The following TRIM65 variants were observed in gnomAD, a reference collection of about 807,000 sequenced individuals.
TRIM65 encodes the protein E3 ubiquitin-protein ligase TRIM65.
TRIM65 carries 46 observed loss-of-function variants against 36.1 expected under a neutral mutation model. The ratio of observed to expected loss-of-function variants is 1.27; its 90% CI spans 1.01 to 1.63. The LOEUF is 1.63. TRIM65 is among the 40% of genes most tolerant of loss of function. TRIM65 has a pLI of 0.00. For synonymous variants in TRIM65, 346 were observed against 313.6 expected (o/e 1.10, Z -1.09); for missense variants, 708 against 696.6 (o/e 1.02, Z -0.18).
At chr17:75,882,362 C>T (rs2065174058) in intron 4 of TRIM65, among the ~76,000 whole-genome samples, 1 of 150,524 alleles carries the variant, frequency 6.6e-6, no homozygotes, top group African/African-American at 2.5e-5. Flanking sequence ...CATGCATCAC[C>T]ACGCTCGGCT....
At chr17:75,885,557 CTCA>C (rs1271242191), downstream of TRIM65, among the ~76,000 whole-genome samples, 2 of 152,228 alleles carry the variant, frequency 1.3e-5, no homozygotes, top group Non-Finnish European at 2.9e-5. Flanking sequence ...CTTGTTTGTG[CTCA>C]TGTTTCTGGA....
At position 75,880,598 on chromosome 17, in the gene TRIM65, G is replaced by T. The variant is rs1446787168; in HGVS notation, c.383C>A (p.Ser128Ter). Residue 128 changes from serine to a stop codon, truncating the protein, a stop_gained, in exon 5 of 5, where the codon TCG (serine) becomes TAG (stop). Coordinates refer to the TRIM65 transcript ENST00000591668. LOFTEE classifies it high-confidence loss of function. ...CCACAGGTCCTGGGGGTTAGGATCC[G>T]AATACGTCTTTTTCAGGGAACAGGA... 1 of 150,618 alleles carries T rather than the reference G, an allele frequency of 6.6e-6. No homozygotes were observed. The highest frequency in any genetic ancestry group is 1.5e-5 in the Non-Finnish European group (1 of 68,086). 9.3% of individuals were successfully genotyped at this position (150,618 alleles called of 1,614,324 possible).
chr17:75,887,193 GA>G (rs1234168246), downstream of TRIM65, among the ~76,000 whole-genome samples: 1 of 142,744 alleles, frequency 7.0e-6, no homozygotes, highest in Admixed American at 7.0e-5. Context: ...AAAGCAAAAA[GA>G]AAAAAAAAGC....
intron 4 of TRIM65, 48 bp from the exon 5 acceptor site, chr17:75,891,926 T>C: frequency 6.4e-7 from 1 of 1,573,714 alleles, no homozygotes; most frequent in African/African-American, 1.4e-5. Flanking sequence ...GGTCACGATG[T>C]GTGGGCCCTG....
chr17:75,892,225 G>T (rs2065279463), intron 3 of TRIM65, 40 bp from the exon 4 acceptor site: 1 of 1,589,850 alleles, frequency 6.3e-7, no homozygotes. Context: ...GGCCTGAGGG[G>T]CAGGGAAGCA....
At chr17:75,891,510 TC>T (rs758159338) in intron 5 of TRIM65, among the ~76,000 whole-genome samples, 163 bp from the exon 6 acceptor site, 66 of 152,176 alleles carry the variant, frequency 4.3e-4, no homozygotes, top group Admixed American at 3.4e-3. Context: ...TCAGCCCCGT[TC>T]ACAGCTGAGA....
chr17:75,886,518 T>A (rs185123602), downstream of TRIM65, among the ~76,000 whole-genome samples: 2,120 of 131,818 alleles, frequency 0.016, 55 homozygotes, highest in African/African-American at 0.065. Context: ...CGAGACTCCG[T>A]TTCAAAAAAA....
intron 1 of TRIM65, among the ~76,000 whole-genome samples, chr17:75,894,573 TC>T (rs1339999375): frequency 6.6e-6 from 1 of 152,204 alleles, no homozygotes; most frequent in African/African-American, 2.4e-5. Context: ...GCTCTCGACT[TC>T]CAGCTCCCCG....
intron 5 of TRIM65, 57 bp downstream of exon 5, chr17:75,891,756 A>G: frequency 6.5e-7 from 1 of 1,532,544 alleles, no homozygotes; most frequent in Non-Finnish European, 8.9e-7. Context: ...CAGCACACAC[A>G]GGCACTTCCT....
In TRIM65 at chr17:75,892,515, G is replaced by A; in HGVS notation, c.511-15C>T. The A allele has an allele frequency of 6.2e-7, 1 of 1,610,218 alleles. No homozygotes were observed. Among genetic ancestry groups the A allele is most frequent in the Non-Finnish European group, 8.5e-7 (1 of 1,177,524 alleles). On this transcript the variant is annotated splice_polypyrimidine_tract_variant and intron_variant, in intron 2 of 5. Transcript: ENST00000269383. The stretch of plus-strand genomic sequence containing the variant: ...CAGGCCGAGTTCTGGGCGGGAACAG[G>A]AGGGGCTTCAGGGTGGCCAGGGCCC...
At chr17:75,881,253 AAAAAG>A (rs1279675947) in intron 4 of TRIM65, among the ~76,000 whole-genome samples, 5 of 124,316 alleles carry the variant, frequency 4.0e-5, no homozygotes, top group African/African-American at 1.4e-4. Flanking sequence ...AAAAAAAAAA[AAAAAG>A]AAAAGAAAAG....
Position 75,889,662 on chromosome 17 carries a change from T to G in TRIM65, c.*1117A>C, listed in dbSNP as rs2065240606. The G allele has an allele frequency of 6.6e-6, 1 of 152,202 alleles. No individual in the cohort carries two copies. The highest frequency in any genetic ancestry group is 2.1e-4 in the South Asian group (1 of 4,834). The allele number at this position is 152,202 out of a possible 1,614,324, so 9.4% of individuals were successfully genotyped here. On this transcript the variant is annotated 3_prime_UTR_variant, in exon 6 of 6. Transcript: ENST00000269383. The stretch of plus-strand genomic sequence containing the variant: ...ACAGGGTTGAGGGGCCTTAGTCGGC[T>G]TGACTCAAGGTGGCCTCACTGTGGC...
rs61754864 is a variant in TRIM65, at chr17:75,891,008, C to T, written c.1325G>A (p.Arg442His). Reference sequence around the variant, plus strand: ...GAGCCGCCCTGACACCCCTGGGAGGCGCTGGGCTTCCCCGTTGTGCCAGGC... The same window carrying T: ...GAGCCGCCCTGACACCCCTGGGAGGTGCTGGGCTTCCCCGTTGTGCCAGGC... ...LQAWHNGEAQ[R>H]LPGVSGRLLG... Residue 442 changes from arginine to histidine, a missense_variant, in exon 6 of 6, where the codon CGC (arginine) becomes CAC (histidine). By Grantham distance (29) the Arg-to-His change is conservative. Coordinates refer to ENST00000269383, the MANE Select transcript of TRIM65 (RefSeq NM_173547.4). 0.011 allele frequency: 17,614 copies of T among 1,598,036 alleles called. 129 individuals carry two copies. Among genetic ancestry groups the T allele is most frequent in the Non-Finnish European group, 0.013 (15,791 of 1,172,908 alleles).
downstream of TRIM65, among the ~76,000 whole-genome samples, chr17:75,887,357 G>A (rs1285040421): frequency 1.3e-5 from 2 of 151,550 alleles, no homozygotes; most frequent in South Asian, 2.1e-4. Context: ...GGTGGTGGGC[G>A]CCTATAATCC....
chr17:75,884,810 G>A (rs1467780587), downstream of TRIM65, among the ~76,000 whole-genome samples: 1 of 152,040 alleles, frequency 6.6e-6, no homozygotes, highest in African/African-American at 2.4e-5. Context: ...GTAGATATGG[G>A]TTTTCACCAT....
At chr17:75,893,040 C>T (rs2065297003) in intron 1 of TRIM65, among the ~76,000 whole-genome samples, 190 bp from the exon 2 acceptor site, 1 of 152,244 alleles carries the variant, frequency 6.6e-6, no homozygotes. Context: ...GGGGTCCAGA[C>T]AAAGTCCTTC....
At chr17:75,895,657 C>CCCTTCCTCCTCCTGGCGAGG (rs1454055629) in intron 1 of TRIM65, among the ~76,000 whole-genome samples, 1 of 152,236 alleles carries the variant, frequency 6.6e-6, no homozygotes, top group Non-Finnish European at 1.5e-5. Flanking sequence ...AGGCGGCCTC[C>CCCTTCCTCCTCCTGGCGAGG]CCTTCCTCCT....
Position 75,892,058 on chromosome 17 carries a change from C to T in TRIM65, c.872G>A (p.Gly291Glu), listed in dbSNP as rs762217267. Residue 291 changes from glycine to glutamate, a missense_variant, in exon 4 of 6, where the codon GGG becomes GAG. Physicochemically the swap from Gly to Glu is moderately conservative, Grantham distance 98. Coordinates refer to ENST00000269383, the MANE Select transcript of TRIM65 (RefSeq NM_173547.4). The part of the protein sequence containing the change: ...SRLCGLLLEE[G>E]SHPGAPAKPV... ...CTTGGCTGGTGCCCCAGGGTGGCTC[C>T]CCTCTTCCAAGAGGAGGCCACACAG... The T allele has an allele frequency of 2.7e-4, 422 of 1,551,806 alleles. 1 individual carries two copies. The highest frequency in any genetic ancestry group is 1.7e-3 in the Middle Eastern group (10 of 5,988).
downstream of TRIM65, among the ~76,000 whole-genome samples, chr17:75,888,035 A>C (rs2065222310): frequency 6.6e-6 from 1 of 152,054 alleles, no homozygotes; most frequent in Non-Finnish European, 1.5e-5. Flanking sequence ...AGGTGCCTGT[A>C]GTCCCAGCTA....
Sources: allele counts gnomAD v4.1 joint callset (sites outside exome capture counted in the v4.1 genomes callset), GRCh38; gene constraint gnomAD v4.1.1; transcripts MANE v1.5; gene names NCBI Gene and HGNC (gene_info 2026-07-23, HGNC 2026-07-21).